SCHIP1: variants seen among roughly 807,000 people sequenced by gnomAD.
SCHIP1 encodes schwannomin interacting protein 1.
A neutral mutation model predicts 29.7 loss-of-function variants in SCHIP1; 8 were observed. That is an observed-to-expected ratio of 0.27 (90% CI 0.16 to 0.49). The LOEUF is 0.49. Ranked by LOEUF, SCHIP1 falls within the 20% of genes least tolerant of loss-of-function variation. SCHIP1 has a pLI of 0.99. For missense variants in SCHIP1, 193 were observed against 294.6 expected, an observed-to-expected ratio of 0.66 and a Z score of 2.52; for synonymous variants, 76 against 94.9, an observed-to-expected ratio of 0.80 and a Z score of 1.16.
the SCHIP1 span, among the ~76,000 whole-genome samples, chr3:159,568,362 A>G: frequency 1.3e-5 from 2 of 152,066 alleles, no homozygotes; most frequent in Non-Finnish European, 2.9e-5. Flanking sequence ...GCTCATTTCT[A>G]ATTTTAAAGG....
chr3:159,866,984 T>A (rs1001586632), intron 2 of SCHIP1, among the ~76,000 whole-genome samples: 3 of 152,190 alleles, frequency 2.0e-5, no homozygotes, highest in African/African-American at 7.2e-5. Flanking sequence ...TCAGTAGATC[T>A]AGGTGGGGCT....
chr3:159,444,697 A>T, the SCHIP1 span, among the ~76,000 whole-genome samples: 1 of 152,194 alleles, frequency 6.6e-6, no homozygotes, highest in Non-Finnish European at 1.5e-5. Context: ...AGCAAATCAT[A>T]TGCAGAATGA....
At chr3:159,414,687 C>T in the SCHIP1 span, among the ~76,000 whole-genome samples, 1 of 152,108 alleles carries the variant, frequency 6.6e-6, no homozygotes, top group African/African-American at 2.4e-5. Context: ...TCAGTGTTCC[C>T]CAACCTTTCT....
the SCHIP1 span, among the ~76,000 whole-genome samples, chr3:159,519,518 A>G: frequency 2.8e-4 from 43 of 152,360 alleles, no homozygotes; most frequent in African/African-American, 8.7e-4. Context: ...ACAAGAACTC[A>G]TTGTAATTTT....
At chr3:159,408,646 A>C in the SCHIP1 span, among the ~76,000 whole-genome samples, 1 of 152,166 alleles carries the variant, frequency 6.6e-6, no homozygotes, top group Non-Finnish European at 1.5e-5. Context: ...CCATAATAAA[A>C]AGTCTCCCAG....
chr3:159,776,483 G>A, the SCHIP1 span, among the ~76,000 whole-genome samples: 3 of 152,196 alleles, frequency 2.0e-5, no homozygotes, highest in South Asian at 6.2e-4. Flanking sequence ...TAAGAGAGTA[G>A]ACCACTGGCA....
the SCHIP1 span, among the ~76,000 whole-genome samples, chr3:159,347,634 T>C: frequency 6.6e-6 from 1 of 152,194 alleles, no homozygotes; most frequent in Non-Finnish European, 1.5e-5. Context: ...TCTTAAAATA[T>C]CTCTTCTGAA....
At chr3:159,520,554 C>A in the SCHIP1 span, among the ~76,000 whole-genome samples, 1 of 152,284 alleles carries the variant, frequency 6.6e-6, no homozygotes, top group East Asian at 1.9e-4. Flanking sequence ...TCCATATGTA[C>A]CCTACAAGAT....
the SCHIP1 span, among the ~76,000 whole-genome samples, chr3:159,754,450 G>A: frequency 1.3e-5 from 2 of 152,120 alleles, no homozygotes; most frequent in Non-Finnish European, 1.5e-5. Flanking sequence ...TAAAATTCAT[G>A]ACATACTGCT....
At chr3:159,675,818 G>A in the SCHIP1 span, among the ~76,000 whole-genome samples, 2 of 152,168 alleles carry the variant, frequency 1.3e-5, no homozygotes, top group African/African-American at 4.8e-5. Context: ...TCATGTTTGG[G>A]CTCAGAAGTG....
At chr3:159,459,804 C>T in the SCHIP1 span, among the ~76,000 whole-genome samples, 12 of 152,218 alleles carry the variant, frequency 7.9e-5, no homozygotes, top group East Asian at 1.9e-3. Context: ...TCCAATATGA[C>T]TGTGTCCTTA....
the SCHIP1 span, among the ~76,000 whole-genome samples, chr3:159,307,587 T>C: frequency 1.8e-4 from 28 of 152,298 alleles, no homozygotes; most frequent in Non-Finnish European, 3.8e-4. Flanking sequence ...GTTCCACTTG[T>C]CTATTTTTGT....
At chr3:159,441,682 A>G in the SCHIP1 span, among the ~76,000 whole-genome samples, 1 of 152,066 alleles carries the variant, frequency 6.6e-6, no homozygotes, top group Non-Finnish European at 1.5e-5. Context: ...CAATACAAAA[A>G]TCTGATGAGG....
chr3:159,894,792 G>C (rs1258825610), intron 6 of SCHIP1: 1 of 151,320 alleles, frequency 6.6e-6, no homozygotes, highest in Non-Finnish European at 1.5e-5. Context: ...TTGCTGATAA[G>C]AACCTTTTAG....
chr3:159,311,330 G>C, the SCHIP1 span, among the ~76,000 whole-genome samples: 2 of 152,014 alleles, frequency 1.3e-5, no homozygotes, highest in Admixed American at 6.6e-5. Flanking sequence ...AGAATATTTT[G>C]CATCAGTTTG....
the SCHIP1 span, among the ~76,000 whole-genome samples, chr3:159,429,928 A>T: frequency 6.6e-6 from 1 of 152,182 alleles, no homozygotes; most frequent in African/African-American, 2.4e-5. Flanking sequence ...CAATGATTTG[A>T]TAGCTCCTGA....
the SCHIP1 span, among the ~76,000 whole-genome samples, chr3:159,690,100 G>T: frequency 6.6e-6 from 1 of 152,158 alleles, no homozygotes; most frequent in African/African-American, 2.4e-5. Context: ...TCAGGATGAT[G>T]CTGGCCTCAA....
chr3:159,667,129 G>C, the SCHIP1 span, among the ~76,000 whole-genome samples: 1 of 152,200 alleles, frequency 6.6e-6, no homozygotes, highest in Admixed American at 6.5e-5. Context: ...ATAGTAGAGG[G>C]GGAGTGAGAA....
chr3:159,411,641 T>C, the SCHIP1 span, among the ~76,000 whole-genome samples: 1 of 152,190 alleles, frequency 6.6e-6, no homozygotes, highest in African/African-American at 2.4e-5. Flanking sequence ...TATGAAGTCT[T>C]GTGTCATTTA....
Sources: gnomAD v4.1 joint callset for allele counts (sites outside exome capture counted in the v4.1 genomes callset) on GRCh38, gnomAD v4.1.1 for gene constraint, MANE v1.5 for transcripts, NCBI Gene and HGNC (gene_info 2026-07-23, HGNC 2026-07-21) for gene names.